Variants in CLASP2 observed in about 807,000 individuals in gnomAD.
CLASP2 encodes cytoplasmic linker associated protein 2.
A neutral mutation model predicts 194.4 loss-of-function variants in CLASP2; 47 were observed. The ratio of observed to expected loss-of-function variants is 0.24; its 90% CI spans 0.19 to 0.31. The LOEUF (loss-of-function observed/expected upper bound fraction) is 0.31. Among genes scored for constraint, CLASP2 ranks in the 10% least tolerant of loss-of-function variants. The pLI is 1.00. For synonymous variants in CLASP2, 619 were observed against 633.5 expected (o/e 0.98, Z 0.34); for missense variants, 1,445 against 1,823.6 (o/e 0.79, Z 3.78).
intron 32 of CLASP2, among the ~76,000 whole-genome samples, chr3:33,540,752 C>G (rs1329711411): frequency 6.6e-6 from 1 of 150,772 alleles, no homozygotes; most frequent in Non-Finnish European, 1.5e-5. Context: ...AAAAATCAAG[C>G]TATTAACTAT....
At chr3:33,558,420 C>G (rs919675520) in intron 29 of CLASP2, 1 of 151,928 alleles carries the variant, frequency 6.6e-6, no homozygotes, top group African/African-American at 2.4e-5. Context: ...AAATATATTT[C>G]GTGCAGGATA....
intron 34 of CLASP2, among the ~76,000 whole-genome samples, chr3:33,519,719 G>A (rs1172962617): frequency 1.3e-5 from 2 of 151,700 alleles, no homozygotes; most frequent in East Asian, 1.9e-4. Context: ...TCTTTTCTTT[G>A]TACTACAGTA....
chr3:33,655,838 T>C (rs1444697535), intron 7 of CLASP2, among the ~76,000 whole-genome samples: 1 of 152,170 alleles, frequency 6.6e-6, no homozygotes, highest in Non-Finnish European at 1.5e-5. Flanking sequence ...CACTTTTATA[T>C]ATATTTTTAA....
Position 33,498,672 on chromosome 3 carries a change from C to T in CLASP2, c.4480G>A (p.Gly1494Arg), listed in dbSNP as rs779760245. 23 of 1,613,530 alleles carry T rather than the reference C, an allele frequency of 1.4e-5. No individual in the cohort carries two copies. In the South Asian group the frequency reaches 2.5e-4, roughly 18 times the overall value. ...LYIKRAQTGS[G>R]GADPTTDVSG... is the part of the protein sequence containing the mutation. ...ACATCAGTAGTGGGATCAGCTCCTCCAGAACCTGTTTGTGCACGTTTGATG... is the reference window on the plus strand; with the variant it reads ...ACATCAGTAGTGGGATCAGCTCCTCTAGAACCTGTTTGTGCACGTTTGATG... Residue 1494 changes from glycine (G) to arginine (R), a missense_variant, in exon 39 of 39, where the codon GGA (glycine) becomes AGA (arginine). Physicochemically the swap from Gly to Arg is moderately radical, Grantham distance 125. Around this residue, in one of 4 missense-constraint regions of CLASP2, gnomAD observed 732 missense variants for 987.9 expected, o/e 0.74. Coordinates refer to ENST00000682230, the MANE Select transcript of CLASP2 (RefSeq NM_001365631.1).
chr3:33,603,059 T>C lies in CLASP2; in HGVS notation c.1817A>G (p.Asp606Gly), dbSNP rs764395392. ...GSLQRSRSDI[D>G]VNAAAGAKAH... ...CTTGGCACCTGCAGCAGCATTCACATCAATGTCACTTCGTGAACGCTGCAG... is the reference window on the plus strand; with the variant it reads ...CTTGGCACCTGCAGCAGCATTCACACCAATGTCACTTCGTGAACGCTGCAG... The change falls in exon 18 of 39, where the codon GAT becomes GGT. Residue 606 changes from aspartate to glycine, a missense_variant. By Grantham distance (94) the Asp-to-Gly change is moderately conservative. Coordinates refer to ENST00000682230, the MANE Select transcript of CLASP2 (RefSeq NM_001365631.1). The C allele has an allele frequency of 1.1e-5, 18 of 1,601,442 alleles. No individual in the cohort carries two copies. Among genetic ancestry groups the C allele is most frequent in the Non-Finnish European group, 1.5e-5 (18 of 1,173,698 alleles).
At chr3:33,656,189 G>A (rs1379338074) in intron 7 of CLASP2, among the ~76,000 whole-genome samples, 1 of 152,080 alleles carries the variant, frequency 6.6e-6, no homozygotes, top group Non-Finnish European at 1.5e-5. Flanking sequence ...ACAAACCCAA[G>A]TTTGCCTAGA....
intron 7 of CLASP2, among the ~76,000 whole-genome samples, chr3:33,658,683 G>A (rs1047871162): frequency 6.6e-6 from 1 of 152,024 alleles, no homozygotes; most frequent in African/African-American, 2.4e-5. Flanking sequence ...CATATTCCAC[G>A]TTTCTTCCAA....
At chr3:33,676,753 A>T (rs1382095569) in intron 6 of CLASP2, among the ~76,000 whole-genome samples, 1 of 152,230 alleles carries the variant, frequency 6.6e-6, no homozygotes, top group African/African-American at 2.4e-5. Context: ...AACTACCATC[A>T]GAGTGAACAG....
intron 8 of CLASP2, among the ~76,000 whole-genome samples, chr3:33,640,538 G>A (rs1003051413): frequency 4.0e-5 from 6 of 150,330 alleles, no homozygotes; most frequent in Admixed American, 6.6e-5. Context: ...GAATGAATGA[G>A]TGAGTGAGTG....
chr3:33,510,618 C>T lies in CLASP2; in HGVS notation c.4257G>A (p.Glu1419=), dbSNP rs769741856. 7 of 1,613,928 alleles carry T rather than the reference C, an allele frequency of 4.3e-6. No homozygotes were observed. The Admixed American group carries it at 1.0e-4, about 23-fold the overall frequency. Residue 1419 remains glutamate, a synonymous_variant, in exon 37 of 39, where the codon GAG becomes GAA. Transcript: ENST00000682230. ...AAIKMQTKVI[E]RVSKETLNLL... The stretch of plus-strand genomic sequence containing the variant: ...GGTTTAGGGTTTCCTTGGACACTCT[C>T]TCTATCACTTTTGTTTGCATTTTGA...
intron 8 of CLASP2, among the ~76,000 whole-genome samples, chr3:33,636,603 T>C (rs1034337089): frequency 1.3e-5 from 2 of 152,138 alleles, no homozygotes; most frequent in African/African-American, 4.8e-5. Flanking sequence ...AAAAAAATTT[T>C]TGTTTGTTTA....
At position 33,632,425 on chromosome 3, in the gene CLASP2, A is replaced by G; in HGVS notation, c.863-54T>C. On this transcript the variant is annotated intron_variant, in intron 8 of 38. Transcript: ENST00000682230. Reference sequence around the variant, plus strand: ...AAGGTTCATTTTTAAGCATCTTAACATTAATGACAACATGAAAAATAAAAC... The same window carrying G: ...AAGGTTCATTTTTAAGCATCTTAACGTTAATGACAACATGAAAAATAAAAC... The G allele has an allele frequency of 4.2e-6, 5 of 1,200,412 alleles. No individual in the cohort carries two copies. The South Asian group carries it at 7.2e-5, about 17-fold the overall frequency. 74.4% of individuals were successfully genotyped at this position (1,200,412 alleles called of 1,614,324 possible). A position where few individuals can be genotyped will look rare whatever the true frequency, so the allele number is the denominator to read the frequency against.
intron 37 of CLASP2, among the ~76,000 whole-genome samples, chr3:33,509,972 A>T (rs1186508472): frequency 1.3e-5 from 2 of 152,234 alleles, no homozygotes; most frequent in Non-Finnish European, 2.9e-5. Context: ...TTGTCAATAA[A>T]AAGGAAATAA....
At chr3:33,534,108 T>A (rs184808745) in intron 34 of CLASP2, among the ~76,000 whole-genome samples, 3 of 152,260 alleles carry the variant, frequency 2.0e-5, no homozygotes, top group African/African-American at 7.2e-5. Flanking sequence ...AGCAACATTA[T>A]GGGAATAAAG....
intron 38 of CLASP2, among the ~76,000 whole-genome samples, chr3:33,501,412 T>C (rs538198876): frequency 9.2e-5 from 14 of 152,262 alleles, no homozygotes; most frequent in Admixed American, 2.6e-4. Context: ...GCTGCAGGCA[T>C]TTTCTCTCAC....
chr3:33,592,274 G>A, intron 21 of CLASP2, 121 bp downstream of exon 21: 1 of 769,696 alleles, frequency 1.3e-6, no homozygotes, highest in Non-Finnish European at 2.3e-6. Flanking sequence ...TATGTGGCTT[G>A]TCTTTTTTTA....
intron 7 of CLASP2, among the ~76,000 whole-genome samples, chr3:33,654,514 T>C (rs1292013865): frequency 2.0e-5 from 3 of 152,026 alleles, no homozygotes; most frequent in Non-Finnish European, 2.9e-5. Flanking sequence ...GGAAGTTCAA[T>C]ATCTGAATAA....
At position 33,533,020 on chromosome 3, in the gene CLASP2, T is replaced by G. The variant is rs539434982; in HGVS notation, c.3787+2213A>C. Among the ~76,000 whole-genome samples, 46 of 152,336 alleles carry G rather than the reference T, an allele frequency of 3.0e-4. 1 individual carries two copies. In the South Asian group the frequency reaches 9.1e-3, roughly 30 times the overall value. On this transcript the variant is annotated intron_variant, in intron 34 of 38. Coordinates refer to ENST00000682230, the MANE Select transcript of CLASP2 (RefSeq NM_001365631.1). ...ACTGTACTCCCAATTTTTAAGCTCT[T>G]GATCATTTTAAGATTAAAAAATACA...
chr3:33,570,580 C>T (rs536091868), intron 26 of CLASP2, 147 bp downstream of exon 26: 209 of 971,312 alleles, frequency 2.2e-4, no homozygotes, highest in Non-Finnish European at 2.9e-4. Flanking sequence ...TTCTAAATTA[C>T]GTATGATACC....
Sources: gnomAD v4.1 joint callset for allele counts (sites outside exome capture counted in the v4.1 genomes callset) on GRCh38, gnomAD v4.1.1 for gene constraint, gnomAD v4.1.1 regional missense constraint, MANE v1.5 for transcripts, NCBI Gene and HGNC (gene_info 2026-07-23, HGNC 2026-07-21) for gene names.